Variants in DBX2 observed in about 807,000 individuals in gnomAD.
The protein encoded by DBX2 is developing brain homeobox 2, also known as homeobox protein DBX2.
DBX2 carries 16 observed loss-of-function variants against 17.7 expected under a neutral mutation model. The ratio of observed to expected loss-of-function variants is 0.90; its 90% CI spans 0.61 to 1.37. The LOEUF (loss-of-function observed/expected upper bound fraction) is 1.37, where lower values mean the gene tolerates loss of function less well. Ranked by LOEUF, DBX2 falls within the 40% of genes most tolerant of loss-of-function variation. The pLI is 0.00. For missense variants in DBX2, 538 were observed against 433.8 expected, an observed-to-expected ratio of 1.24 and a Z score of -2.13; for synonymous variants, 255 against 183.8, an observed-to-expected ratio of 1.39 and a Z score of -3.13.
At chr12:45,036,854 G>T (rs1264863576) in intron 1 of DBX2, among the ~76,000 whole-genome samples, 1 of 152,090 alleles carries the variant, frequency 6.6e-6, no homozygotes, top group Non-Finnish European at 1.5e-5. Flanking sequence ...GAGTAATCTA[G>T]TCACCCTGAA....
chr12:45,032,168 A>G (rs1946414223), intron 2 of DBX2, among the ~76,000 whole-genome samples: 1 of 152,082 alleles, frequency 6.6e-6, no homozygotes, highest in African/African-American at 2.4e-5. Flanking sequence ...TCCTTTAAAC[A>G]TTGTTCTTGG....
At chr12:45,048,587 G>C (rs1405684968) in intron 1 of DBX2, among the ~76,000 whole-genome samples, 1 of 151,888 alleles carries the variant, frequency 6.6e-6, no homozygotes, top group Non-Finnish European at 1.5e-5. Flanking sequence ...ATAAAACCGG[G>C]GCAATGTTCA....
chr12:45,038,402 CA>C (rs1054224381), intron 1 of DBX2, among the ~76,000 whole-genome samples: 15 of 146,758 alleles, frequency 1.0e-4, no homozygotes, highest in African/African-American at 3.2e-4. Flanking sequence ...AAACAGAAAA[CA>C]AAAAAAAAGG....
At chr12:45,037,047 C>T (rs192428668) in intron 1 of DBX2, among the ~76,000 whole-genome samples, 38 of 152,216 alleles carry the variant, frequency 2.5e-4, no homozygotes, top group African/African-American at 7.7e-4. Context: ...TTTTTGAAGT[C>T]TCATTAGTAT....
intron 3 of DBX2, 113 bp from the exon 4 acceptor site, chr12:45,016,731 G>A (rs929628671): frequency 2.3e-5 from 23 of 983,410 alleles, no homozygotes; most frequent in Non-Finnish European, 3.2e-5. Flanking sequence ...TATTATGACA[G>A]CCAACCTCAA....
chr12:45,046,477 G>A (rs1433677704), intron 1 of DBX2, among the ~76,000 whole-genome samples: 3 of 152,132 alleles, frequency 2.0e-5, no homozygotes, highest in African/African-American at 4.8e-5. Context: ...ATTTTAATTT[G>A]TCAAAATGAA....
rs766041394 is a variant in DBX2 at position 45,016,496 on chromosome 12, C to CAGAGCAGACCGT, written c.798_809dup (p.Arg267_Leu270dup). 2 of 1,613,780 alleles carry CAGAGCAGACCGT rather than the reference C, an allele frequency of 1.2e-6. No individual in the cohort carries two copies. Among genetic ancestry groups the CAGAGCAGACCGT allele is most frequent in the Admixed American group, 3.3e-5 (2 of 59,936 alleles). On this transcript the variant is annotated inframe_insertion, in exon 4 of 4. Coordinates refer to ENST00000332700, the MANE Select transcript of DBX2 (RefSeq NM_001004329.3). ...TTGAAGGACATGGAGAAGGGAAACC[C>CAGAGCAGACCGT]AGAGCAGACCGTGAGAGGGGATCCT... is the stretch of plus-strand genomic sequence containing the variant.
chr12:45,037,311 C>G (rs1034350082), intron 1 of DBX2, among the ~76,000 whole-genome samples: 1 of 152,166 alleles, frequency 6.6e-6, no homozygotes, highest in African/African-American at 2.4e-5. Flanking sequence ...CTAAAGTGGG[C>G]ACTTGCCCAT....
intron 2 of DBX2, among the ~76,000 whole-genome samples, chr12:45,029,893 A>AATAAATAAATAAATAAATAAATAAATAT (rs1946400085): frequency 6.7e-6 from 1 of 149,778 alleles, no homozygotes; most frequent in Non-Finnish European, 1.5e-5. Context: ...TAAATAAATA[A>AATAAATAAATAAATAAATAAATAAATAT]ATAAATAAAT....
In DBX2 at chr12:45,050,999, C is replaced by T. The variant is rs1946531266; in HGVS notation, c.-72G>A. On this transcript the variant is annotated 5_prime_UTR_variant, in exon 1 of 4. Transcript: ENST00000332700. The stretch of plus-strand genomic sequence containing the variant: ...GTCGCCCGGGCGCCCCGCACCGCAC[C>T]CAGAGCCGCAGCTTCTCGCCGCCGC... 1 of 1,322,252 alleles carries T rather than the reference C, an allele frequency of 7.6e-7. No homozygotes were observed. The highest frequency in any genetic ancestry group is 9.6e-7 in the Non-Finnish European group (1 of 1,040,400). The allele number at this position is 1,322,252 out of a possible 1,614,324, so 81.9% of individuals were successfully genotyped here.
At chr12:45,016,807 AT>A (rs747200884) in intron 3 of DBX2, among the ~76,000 whole-genome samples, 189 bp from the exon 4 acceptor site, 4 of 151,486 alleles carry the variant, frequency 2.6e-5, no homozygotes, top group South Asian at 2.1e-4. Context: ...TTTTATTATT[AT>A]TTTTTTTGAG....
rs1206403618 is a variant in DBX2, at chr12:45,039,285, A to G, written c.404-3171T>C. Reference sequence around the variant, plus strand: ...AATGCACTGCATTGAAGGTATATATATATATATATATATATATATATATAT... The same window carrying G: ...AATGCACTGCATTGAAGGTATATATGTATATATATATATATATATATATAT... On this transcript the variant is annotated intron_variant, in intron 1 of 3. Coordinates refer to ENST00000332700, the MANE Select transcript of DBX2 (RefSeq NM_001004329.3). Among the ~76,000 whole-genome samples the G allele has an allele frequency of 2.3e-4, 8 of 34,174 alleles. No individual in the cohort carries two copies. The East Asian group carries it at 2.7e-3, about 12-fold the overall frequency. 22.4% of individuals were successfully genotyped at this position (34,174 alleles called of 152,430 possible).
At chr12:45,048,961 T>C (rs1016472283) in intron 1 of DBX2, among the ~76,000 whole-genome samples, 1 of 152,198 alleles carries the variant, frequency 6.6e-6, no homozygotes, top group Admixed American at 6.5e-5. Flanking sequence ...AGAATGAATA[T>C]GTTCTTGAAA....
At chr12:45,020,675 G>GTATATATATATATA (rs10649840) in intron 3 of DBX2, among the ~76,000 whole-genome samples, 15 of 146,008 alleles carry the variant, frequency 1.0e-4, no homozygotes, top group African/African-American at 3.8e-4. Context: ...GTATATATAT[G>GTATATATATATATA]TATATATATA....
At chr12:45,022,173 G>A (rs2137019351) in intron 3 of DBX2, among the ~76,000 whole-genome samples, 1 of 152,140 alleles carries the variant, frequency 6.6e-6, no homozygotes, top group Non-Finnish European at 1.5e-5. Context: ...AGCACAGACT[G>A]ACTAATGTAG....
At chr12:45,031,225 T>TGTGTGTGTGTGTGTGTGTGTGTGTGAGA (rs1377897653) in intron 2 of DBX2, among the ~76,000 whole-genome samples, 2 of 85,624 alleles carry the variant, frequency 2.3e-5, no homozygotes, top group East Asian at 3.9e-4. Flanking sequence ...TGTGTGTGTG[T>TGTGTGTGTGTGTGTGTGTGTGTGTGAGA]GAGAGAGAGA....
intron 1 of DBX2, among the ~76,000 whole-genome samples, chr12:45,046,171 T>C (rs1946499016): frequency 6.6e-6 from 1 of 152,182 alleles, no homozygotes; most frequent in South Asian, 2.1e-4. Context: ...GAACTTCTCC[T>C]TGAACCTGAA....
chr12:45,031,223 T>TGAGAGAGAGA (rs1468770718), intron 2 of DBX2, among the ~76,000 whole-genome samples: 717 of 44,074 alleles, frequency 0.016, 3 homozygotes, highest in Non-Finnish European at 0.023. Context: ...TGTGTGTGTG[T>TGAGAGAGAGA]GTGAGAGAGA....
chr12:45,048,546 A>G (rs1373248365), intron 1 of DBX2, among the ~76,000 whole-genome samples: 1 of 152,196 alleles, frequency 6.6e-6, no homozygotes, highest in African/African-American at 2.4e-5. Context: ...AATAATTCCC[A>G]CATTTGGTAA....
Sources: allele counts gnomAD v4.1 joint callset (sites outside exome capture counted in the v4.1 genomes callset), GRCh38; gene constraint gnomAD v4.1.1; transcripts MANE v1.5; gene names NCBI Gene and HGNC (gene_info 2026-07-23, HGNC 2026-07-21).